The following PPP1R13B variants were observed in gnomAD, a reference collection of about 807,000 sequenced individuals.
PPP1R13B encodes the protein apoptosis-stimulating of p53 protein 1.
In PPP1R13B, 44 loss-of-function variants were observed where a neutral mutation model predicts 119.8. The ratio of observed to expected loss-of-function variants is 0.37; its 90% confidence interval spans 0.29 to 0.47. PPP1R13B has a LOEUF of 0.47. Ranked by LOEUF, PPP1R13B falls within the 20% of genes least tolerant of loss-of-function variation. The probability of loss-of-function intolerance (pLI) is 0.99; values close to 1 mark genes in which losing one functional copy is unlikely to be tolerated. For synonymous variants in PPP1R13B, 542 were observed against 561.5 expected, an observed-to-expected ratio of 0.97 and a Z score of 0.49; for missense variants, 1,227 against 1,413.5, an observed-to-expected ratio of 0.87 and a Z score of 2.12.
At chr14:103,801,899 C>A (rs1595793712) in intron 1 of PPP1R13B, among the ~76,000 whole-genome samples, 1 of 152,126 alleles carries the variant, frequency 6.6e-6, no homozygotes, top group Non-Finnish European at 1.5e-5. Context: ...TTCTATTTTA[C>A]AATAAATTTT....
chr14:103,814,594 A>G (rs946083709), intron 1 of PPP1R13B, among the ~76,000 whole-genome samples: 2 of 152,012 alleles, frequency 1.3e-5, no homozygotes, highest in African/African-American at 4.8e-5. Flanking sequence ...ACTTGAGGGT[A>G]GGAGTTAAGA....
chr14:103,842,783 C>A lies in PPP1R13B; in HGVS notation c.9+4516G>T, dbSNP rs2086939611. On this transcript the variant is annotated intron_variant, in intron 1 of 16. Transcript: ENST00000202556. Reference sequence around the variant, plus strand: ...CTGAGGTCAGGAGTTCAAGACCAGCCTGGCCAAACATGGGGAAATTCCACC... The same window carrying A: ...CTGAGGTCAGGAGTTCAAGACCAGCATGGCCAAACATGGGGAAATTCCACC... Among the ~76,000 whole-genome samples, 3 of 152,028 alleles carry A rather than the reference C, an allele frequency of 2.0e-5. No individual in the cohort carries two copies. The Middle Eastern group carries it at 0.01, about 517-fold the overall frequency.
At chr14:103,747,202 G>A (rs2084407242) in intron 8 of PPP1R13B, 1 of 152,246 alleles carries the variant, frequency 6.6e-6, no homozygotes, top group South Asian at 2.1e-4. Context: ...ACGTCCTCAA[G>A]ATTTCAATAT....
chr14:103,785,191 AT>A (rs2085430044), intron 2 of PPP1R13B, among the ~76,000 whole-genome samples: 1 of 151,930 alleles, frequency 6.6e-6, no homozygotes, highest in African/African-American at 2.4e-5. Context: ...TACAAAACTT[AT>A]TTATCACAAA....
At chr14:103,737,891 C>A in intron 14 of PPP1R13B, 31 bp from the exon 15 acceptor site, 1 of 1,600,512 alleles carries the variant, frequency 6.2e-7, no homozygotes, top group Non-Finnish European at 8.5e-7. Flanking sequence ...AGGTGCAGGC[C>A]TGGCACTGCC....
At chr14:103,749,684 T>A in intron 8 of PPP1R13B, 110 bp downstream of exon 8, 1 of 1,117,868 alleles carries the variant, frequency 8.9e-7, no homozygotes, top group Non-Finnish European at 1.3e-6. Flanking sequence ...GGCCTATTTA[T>A]GTTTTATCAG....
At chr14:103,801,506 C>CA (rs1441919513) in intron 1 of PPP1R13B, among the ~76,000 whole-genome samples, 2 of 152,136 alleles carry the variant, frequency 1.3e-5, no homozygotes, top group Non-Finnish European at 2.9e-5. Flanking sequence ...TTCCTATTCA[C>CA]AATTCAAAAC....
chr14:103,789,080 T>C (rs1380320974), intron 2 of PPP1R13B, among the ~76,000 whole-genome samples: 2 of 152,184 alleles, frequency 1.3e-5, no homozygotes, highest in Non-Finnish European at 2.9e-5. Context: ...AAGCTCTAGC[T>C]CTGAAATAGG....
chr14:103,838,697 A>G (rs2086833534), intron 1 of PPP1R13B, among the ~76,000 whole-genome samples: 1 of 152,236 alleles, frequency 6.6e-6, no homozygotes, highest in Non-Finnish European at 1.5e-5. Context: ...AGGAAATAAC[A>G]GAGCTTACAA....
At chr14:103,819,928 T>C (rs1181587971) in intron 1 of PPP1R13B, among the ~76,000 whole-genome samples, 1 of 152,210 alleles carries the variant, frequency 6.6e-6, no homozygotes, top group Admixed American at 6.5e-5. Context: ...AAAGGCTCAG[T>C]ACTTATCCCA....
chr14:103,835,099 T>G (rs898776960), intron 1 of PPP1R13B, among the ~76,000 whole-genome samples: 1 of 152,058 alleles, frequency 6.6e-6, no homozygotes, highest in Non-Finnish European at 1.5e-5. Context: ...AAGTACTCAG[T>G]AAACATTTGC....
rs2084592272 is a variant in PPP1R13B, at chr14:103,753,215, G to A, written c.632-19C>T. On this transcript the variant is annotated intron_variant, in intron 6 of 16. Transcript: ENST00000202556. ...TCAGCAGCTATAATTGACCACACAAGAAAAGAATAAAAGATTTAGTTGATC... is the reference window on the plus strand; with the variant it reads ...TCAGCAGCTATAATTGACCACACAAAAAAAGAATAAAAGATTTAGTTGATC... The A allele has an allele frequency of 5.1e-6, 8 of 1,564,190 alleles. No homozygotes were observed. Among genetic ancestry groups the A allele is most frequent in the Middle Eastern group, 2.3e-4 (1 of 4,298 alleles).
At chr14:103,739,320 G>A in intron 12 of PPP1R13B, 2 of 390,604 alleles carry the variant, frequency 5.1e-6, no homozygotes, top group East Asian at 3.9e-5. Context: ...GAGGGAGGGT[G>A]GCGTGTGACT....
At chr14:103,820,159 G>A (rs1325174031) in intron 1 of PPP1R13B, among the ~76,000 whole-genome samples, 11 of 152,156 alleles carry the variant, frequency 7.2e-5, no homozygotes, top group Admixed American at 7.2e-4. Context: ...AGGGAGGGAC[G>A]CGTGAGAAGC....
chr14:103,736,923 G>A (rs1418293710), intron 15 of PPP1R13B: 2 of 152,496 alleles, frequency 1.3e-5, no homozygotes, highest in East Asian at 1.9e-4. Flanking sequence ...TAAATGACTT[G>A]TGACTGTTTA....
chr14:103,754,737 A>G (rs1040881070), intron 5 of PPP1R13B, among the ~76,000 whole-genome samples: 4 of 152,014 alleles, frequency 2.6e-5, no homozygotes, highest in African/African-American at 9.7e-5. Context: ...AGTATGAAAT[A>G]GTAAGAGCTG....
intron 4 of PPP1R13B, among the ~76,000 whole-genome samples, chr14:103,766,921 C>T (rs2084952724): frequency 6.6e-6 from 1 of 152,092 alleles, no homozygotes; most frequent in Non-Finnish European, 1.5e-5. Flanking sequence ...AATTTCTCCC[C>T]CTTGAAAAAC....
chr14:103,832,196 G>A (rs2086678274), intron 1 of PPP1R13B, among the ~76,000 whole-genome samples: 1 of 151,404 alleles, frequency 6.6e-6, no homozygotes, highest in Non-Finnish European at 1.5e-5. Flanking sequence ...ATTATTTACT[G>A]TTTTCTTGAT....
intron 4 of PPP1R13B, among the ~76,000 whole-genome samples, chr14:103,760,635 G>C (rs747520228): frequency 2.6e-5 from 4 of 152,100 alleles, no homozygotes; most frequent in Admixed American, 6.5e-5. Context: ...GTGGCCCCAG[G>C]GATCCAGATC....
Sources: allele counts gnomAD v4.1 joint callset (sites outside exome capture counted in the v4.1 genomes callset), GRCh38; gene constraint gnomAD v4.1.1; transcripts MANE v1.5; gene names NCBI Gene and HGNC (gene_info 2026-07-23, HGNC 2026-07-21).